The following LPAR5 variants were observed in gnomAD, a reference collection of about 807,000 sequenced individuals.
LPAR5 encodes lysophosphatidic acid receptor 5.
For synonymous variants in LPAR5, 271 were observed against 261.6 expected (o/e 1.04, Z -0.35); for missense variants, 544 against 521.8 (o/e 1.04, Z -0.41).
chr12:6,626,237 T>C (rs1948939003), intron 1 of LPAR5, among the ~76,000 whole-genome samples: 1 of 152,136 alleles, frequency 6.6e-6, no homozygotes, highest in African/African-American at 2.4e-5. Context: ...ATCGCGCCAC[T>C]GCACTCCAGC....
intron 1 of LPAR5, among the ~76,000 whole-genome samples, chr12:6,623,836 C>A (rs1438148419): frequency 1.3e-5 from 2 of 151,940 alleles, no homozygotes; most frequent in Non-Finnish European, 1.5e-5. Flanking sequence ...GAATAAAGGT[C>A]AAACTCTTTG....
At position 6,620,614 on chromosome 12, in the gene LPAR5, C is replaced by G. The variant is rs768612182; in HGVS notation, c.635G>C (p.Gly212Ala). The change falls in exon 2 of 2, where the codon GGC becomes GCC. Residue 212 changes from glycine to alanine, a missense_variant. Coordinates refer to ENST00000329858, the MANE Select transcript of LPAR5 (RefSeq NM_020400.6). This position sits in a 1 kb window ranked among gnomAD's most constrained non-coding sequence, Gnocchi z 6.8. ...LPLAAVVYSS[G>A]RVFWTLARPD... Reference sequence around the variant, plus strand: ...GCGCGCCAGCGTCCAGAAGACTCGGCCCGACGAGTAGACCACCGCCGCCAG... The same window carrying G: ...GCGCGCCAGCGTCCAGAAGACTCGGGCCGACGAGTAGACCACCGCCGCCAG... 1 of 1,551,358 alleles carries G rather than the reference C, an allele frequency of 6.4e-7. No homozygotes were observed. The highest frequency in any genetic ancestry group is 8.7e-7 in the Non-Finnish European group (1 of 1,148,276).
At chr12:6,625,059 T>A (rs1948924048) in intron 1 of LPAR5, among the ~76,000 whole-genome samples, 1 of 152,244 alleles carries the variant, frequency 6.6e-6, no homozygotes, top group Non-Finnish European at 1.5e-5. Context: ...GGTGTCTAGA[T>A]GTCATCTTAG....
rs577440480 is a variant in LPAR5 at position 6,631,969 on chromosome 12, G to GT, written c.-217+3937dup. ...TCTTTTGCCTCCTTTCTTTCTTTCC[G>GT]TTTTTTTTTCTTTTGTTTTTGAGAC... On this transcript the variant is annotated intron_variant, in intron 1 of 1. Transcript: ENST00000329858. 2.0e-3 allele frequency among the ~76,000 whole-genome samples: 308 copies of GT among 150,830 alleles called. 7 individuals carry two copies. The highest frequency in any genetic ancestry group is 3.4e-3 in the Middle Eastern group (1 of 292).
chr12:6,626,616 T>TC (rs1008405067), intron 1 of LPAR5, among the ~76,000 whole-genome samples: 8 of 152,148 alleles, frequency 5.3e-5, no homozygotes, highest in African/African-American at 1.9e-4. Flanking sequence ...TCTGATACAC[T>TC]CCCCTGCTCC....
In LPAR5 at chr12:6,620,107, G is replaced by GGACAGCGC; in HGVS notation, c.*15_*22dup. The GGACAGCGC allele has an allele frequency of 6.2e-7, 1 of 1,613,380 alleles. No homozygotes were observed. The highest frequency in any genetic ancestry group is 8.5e-7 in the Non-Finnish European group (1 of 1,179,772). On this transcript the variant is annotated 3_prime_UTR_variant, in exon 2 of 2. Transcript: ENST00000329858. This position sits in a 1 kb window ranked among gnomAD's most constrained non-coding sequence, Gnocchi z 6.8. ...ACGAGAGGCGTTGGGAGTCGGGCAC[G>GGACAGCGC]GACAGCGCAATGGCATGTGTGTTCA...
intron 1 of LPAR5, among the ~76,000 whole-genome samples, chr12:6,625,553 C>A (rs1948931576): frequency 6.6e-6 from 1 of 151,196 alleles, no homozygotes; most frequent in African/African-American, 2.4e-5. Context: ...AACCTCGTCT[C>A]TACTGAAAAT....
chr12:6,623,776 A>G (rs1028242745), intron 1 of LPAR5, among the ~76,000 whole-genome samples: 1 of 152,176 alleles, frequency 6.6e-6, no homozygotes, highest in African/African-American at 2.4e-5. Context: ...AGGTGGTCTT[A>G]TGGAGCACCT....
rs1012771079 is a variant in LPAR5, at chr12:6,619,882, T to G, written c.*248A>C. On this transcript the variant is annotated 3_prime_UTR_variant, in exon 2 of 2. Coordinates refer to ENST00000329858, the MANE Select transcript of LPAR5 (RefSeq NM_020400.6). ...TCTTCTGCCCTCTGCACGGGTGGGC[T>G]CTCTGCATCACTTCCCACCGCTGGA... is the stretch of plus-strand genomic sequence containing the variant. The G allele has an allele frequency of 1.5e-6, 1 of 689,308 alleles. No homozygotes were observed. The highest frequency in any genetic ancestry group is 1.8e-5 in the African/African-American group (1 of 56,906). 42.7% of individuals were successfully genotyped at this position (689,308 alleles called of 1,614,324 possible). A position where few individuals can be genotyped will look rare whatever the true frequency, so the allele number is the denominator to read the frequency against.
In LPAR5 at chr12:6,620,335, C is replaced by T; in HGVS notation, c.914G>A (p.Arg305His). 6.2e-7 allele frequency: 1 copy of T among 1,610,068 alleles called. No individual in the cohort carries two copies. Among genetic ancestry groups the T allele is most frequent in the Non-Finnish European group, 8.5e-7 (1 of 1,178,502 alleles). ...AGTGCCCAGGCCGCGCAGGGTGTTG[C>T]GGAAGCCCTCGGCGCTAAAGTAGTA... is the stretch of plus-strand genomic sequence containing the variant. ...LVYYFSAEGF[R>H]NTLRGLGTPH... is the part of the protein sequence containing the mutation. The change falls in exon 2 of 2, where the codon CGC (arginine) becomes CAC (histidine). Residue 305 changes from arginine (R) to histidine (H), a missense_variant. By Grantham distance (29) the Arg-to-His change is conservative. Transcript: ENST00000329858. This position sits in a 1 kb window ranked among gnomAD's most constrained non-coding sequence, Gnocchi z 6.8.
intron 1 of LPAR5, among the ~76,000 whole-genome samples, chr12:6,635,663 G>C (rs11064296): frequency 0.18 from 27,344 of 152,114 alleles, 2,628 homozygotes; most frequent in East Asian, 0.37. Flanking sequence ...GCCCCAGAGT[G>C]GGGGCTTCAA....
intron 1 of LPAR5, among the ~76,000 whole-genome samples, chr12:6,632,697 C>A (rs1320735161): frequency 2.0e-5 from 3 of 152,180 alleles, no homozygotes; most frequent in African/African-American, 7.2e-5. Context: ...TTTGAGGGCA[C>A]AAATGAATCC....
At chr12:6,631,968 C>A (rs1009377674) in intron 1 of LPAR5, among the ~76,000 whole-genome samples, 2 of 152,054 alleles carry the variant, frequency 1.3e-5, no homozygotes, top group African/African-American at 2.4e-5. Context: ...TCTTTCTTTC[C>A]GTTTTTTTTT....
intron 1 of LPAR5, among the ~76,000 whole-genome samples, chr12:6,630,138 T>A (rs1449717320): frequency 6.6e-6 from 1 of 152,110 alleles, no homozygotes; most frequent in Non-Finnish European, 1.5e-5. Flanking sequence ...GGTTTCTTTT[T>A]TTTTTGGATA....
intron 1 of LPAR5, among the ~76,000 whole-genome samples, chr12:6,632,334 C>A (rs1009418650): frequency 1.3e-5 from 2 of 152,152 alleles, no homozygotes; most frequent in African/African-American, 2.4e-5. Flanking sequence ...GGTCAGAGGT[C>A]TGAAAAGAAG....
chr12:6,627,354 G>A (rs1565387606), intron 1 of LPAR5, among the ~76,000 whole-genome samples: 2 of 152,154 alleles, frequency 1.3e-5, no homozygotes, highest in South Asian at 4.1e-4. Context: ...CACTTTGGGA[G>A]GCCGAGGCAG....
chr12:6,627,230 T>A (rs995740760), intron 1 of LPAR5, among the ~76,000 whole-genome samples: 1 of 152,324 alleles, frequency 6.6e-6, no homozygotes, highest in African/African-American at 2.4e-5. Context: ...AGGCGGAGGT[T>A]GCAGTGAACG....
intron 1 of LPAR5, among the ~76,000 whole-genome samples, chr12:6,634,165 C>T (rs947224131): frequency 2.6e-5 from 4 of 152,164 alleles, no homozygotes; most frequent in African/African-American, 9.7e-5. Flanking sequence ...GCCACCGTGC[C>T]CAACTAATTT....
At chr12:6,630,611 C>G (rs1444883660) in intron 1 of LPAR5, among the ~76,000 whole-genome samples, 1 of 151,808 alleles carries the variant, frequency 6.6e-6, no homozygotes, top group Non-Finnish European at 1.5e-5. Flanking sequence ...CGCCACCATG[C>G]CTGGCTAATT....
Sources: allele counts gnomAD v4.1 joint callset (sites outside exome capture counted in the v4.1 genomes callset), GRCh38; gene constraint gnomAD v4.1.1; non-coding constraint Gnocchi (gnomAD v3.1); transcripts MANE v1.5; gene names NCBI Gene and HGNC (gene_info 2026-07-23, HGNC 2026-07-21).